Variants in TMEM217B observed in about 807,000 individuals in gnomAD.
TMEM217B encodes transmembrane protein 217B.
At chr6:37,215,245 G>A in the TMEM217B span, 2 of 1,613,946 alleles carry the variant, frequency 1.2e-6, no homozygotes, top group South Asian at 2.2e-5. Flanking sequence ...GCTGAGCTTG[G>A]CACTGGAGAC....
chr6:37,238,916 A>C, the TMEM217B span, among the ~76,000 whole-genome samples: 1 of 152,118 alleles, frequency 6.6e-6, no homozygotes, highest in Admixed American at 6.5e-5. Context: ...AGATCACCTG[A>C]AGTCAGGAGT....
At chr6:37,218,604 T>A in the TMEM217B span, 4 of 1,614,182 alleles carry the variant, frequency 2.5e-6, no homozygotes, top group South Asian at 4.4e-5. Context: ...ACAAAGAACA[T>A]CCAGAAACAG....
the TMEM217B span, chr6:37,212,428 C>T: frequency 9.5e-3 from 3,975 of 417,742 alleles, 158 homozygotes; most frequent in African/African-American, 0.073. Context: ...GTTTAACTTC[C>T]GGTACAACAT....
the TMEM217B span, among the ~76,000 whole-genome samples, chr6:37,243,860 T>G: frequency 6.6e-6 from 1 of 152,178 alleles, no homozygotes; most frequent in African/African-American, 2.4e-5. Context: ...AAACTCCTTG[T>G]GTGCTGAGTC....
the TMEM217B span, among the ~76,000 whole-genome samples, chr6:37,235,598 C>T: frequency 1.2e-5 from 1 of 82,126 alleles, no homozygotes; most frequent in Admixed American, 1.6e-4. Context: ...GATCTCCTGA[C>T]CTTGTGATCC....
At chr6:37,248,076 T>TA in the TMEM217B span, among the ~76,000 whole-genome samples, 1 of 152,148 alleles carries the variant, frequency 6.6e-6, no homozygotes, top group Non-Finnish European at 1.5e-5. Context: ...CCTCTTTACC[T>TA]AGTAAAATCA....
chr6:37,256,712 G>A, the TMEM217B span, among the ~76,000 whole-genome samples: 1 of 146,158 alleles, frequency 6.8e-6, no homozygotes, highest in East Asian at 2.1e-4. Flanking sequence ...TCTCCAATAT[G>A]TGGAAGTACA....
chr6:37,249,987 C>A, the TMEM217B span, among the ~76,000 whole-genome samples: 1 of 152,138 alleles, frequency 6.6e-6, no homozygotes, highest in Non-Finnish European at 1.5e-5. Flanking sequence ...CATAGTGGCA[C>A]AGAATGTGAA....
the TMEM217B span, chr6:37,258,065 G>A: frequency 7.0e-7 from 1 of 1,426,620 alleles, no homozygotes; most frequent in Non-Finnish European, 9.5e-7. Flanking sequence ...CGCCACAGAG[G>A]CCAGAAGACT....
chr6:37,215,997 GT>G, the TMEM217B span, among the ~76,000 whole-genome samples: 4 of 15,280 alleles, frequency 2.6e-4, no homozygotes, highest in Non-Finnish European at 3.7e-4. Context: ...TCTTCAGGGT[GT>G]GTGTGTGTGT....
chr6:37,235,311 C>T, the TMEM217B span, among the ~76,000 whole-genome samples: 5 of 152,144 alleles, frequency 3.3e-5, no homozygotes, highest in African/African-American at 1.2e-4. Flanking sequence ...ATTTATGCTG[C>T]TATAACAGAA....
At chr6:37,212,981 T>C in the TMEM217B span, 1 of 1,543,544 alleles carries the variant, frequency 6.5e-7, no homozygotes, top group East Asian at 2.4e-5. Flanking sequence ...TTATACTTGT[T>C]TTACCAGAGC....
At chr6:37,234,133 T>G in the TMEM217B span, among the ~76,000 whole-genome samples, 6 of 149,678 alleles carry the variant, frequency 4.0e-5, no homozygotes, top group Non-Finnish European at 8.9e-5. Flanking sequence ...ATAGTCTTGC[T>G]CTGTCACCCA....
At chr6:37,215,390 C>T in the TMEM217B span, 1 of 1,301,280 alleles carries the variant, frequency 7.7e-7, no homozygotes, top group Non-Finnish European at 1.0e-6. Context: ...GTCTAGCCAA[C>T]ATGGTGAAAC....
the TMEM217B span, among the ~76,000 whole-genome samples, chr6:37,213,777 C>T: frequency 3.3e-5 from 5 of 152,328 alleles, no homozygotes; most frequent in Middle Eastern, 3.4e-3. Flanking sequence ...GGGCCTACAG[C>T]GCAAACGTTC....
chr6:37,258,059 A>AC, the TMEM217B span: 4 of 1,479,012 alleles, frequency 2.7e-6, no homozygotes, highest in Admixed American at 2.0e-5. Flanking sequence ...CTGGGGCGCC[A>AC]CAGAGGCCAG....
the TMEM217B span, among the ~76,000 whole-genome samples, chr6:37,226,744 AG>A: frequency 6.6e-6 from 1 of 150,520 alleles, no homozygotes. Flanking sequence ...TTGTATTTTT[AG>A]TAGAGAGGGG....
At chr6:37,221,781 A>T in the TMEM217B span, among the ~76,000 whole-genome samples, 1 of 152,158 alleles carries the variant, frequency 6.6e-6, no homozygotes, top group Non-Finnish European at 1.5e-5. Flanking sequence ...GTGAAGGGTA[A>T]ACAAGATGAA....
the TMEM217B span, chr6:37,212,828 G>T: frequency 1.0e-6 from 1 of 995,010 alleles, no homozygotes; most frequent in Non-Finnish European, 1.6e-6. Flanking sequence ...CAAGTGACTA[G>T]CTCCGACTTT....
Sources: gnomAD v4.1 joint callset for allele counts (sites outside exome capture counted in the v4.1 genomes callset) on GRCh38, gnomAD v4.1.1 for gene constraint, MANE v1.5 for transcripts, NCBI Gene and HGNC (gene_info 2026-07-23, HGNC 2026-07-21) for gene names.